TLL1: variants seen among roughly 807,000 people sequenced by gnomAD.
TLL1 encodes the protein tolloid like 1.
Under a neutral mutation model 128.2 loss-of-function variants are expected in TLL1, and 49 were observed. The ratio of observed to expected loss-of-function variants is 0.38; its 90% CI spans 0.30 to 0.48. The LOEUF (loss-of-function observed/expected upper bound fraction) is 0.48. Ranked by LOEUF, TLL1 falls within the 20% of genes least tolerant of loss-of-function variation. TLL1 has a pLI of 0.96. For missense variants in TLL1, 1,123 were observed against 1,242.0 expected (o/e 0.90, Z 1.44); for synonymous variants, 454 against 418.8 (o/e 1.08, Z -1.03).
chr4:166,057,298 G>A lies in TLL1; in HGVS notation c.1835G>A (p.Arg612Lys), dbSNP rs866670413. ...EPGYELGPDR[R>K]SCEAACGGLL... ...GGCTATGAGCTGGGCCCAGACAGAA[G>A]GAGCTGTGAAGGTATGACTGCACTC... The change falls in exon 14 of 21, where the codon AGG (arginine) becomes AAG (lysine). Residue 612 changes from arginine to lysine, a missense_variant. Physicochemically the swap from Arg to Lys is conservative, Grantham distance 26. Coordinates refer to ENST00000061240, the MANE Select transcript of TLL1 (RefSeq NM_012464.5). The A allele has an allele frequency of 6.2e-7, 1 of 1,613,820 alleles. No individual in the cohort carries two copies. Among genetic ancestry groups the A allele is most frequent in the East Asian group, 2.2e-5 (1 of 44,802 alleles).
At chr4:165,919,957 T>C (rs1732971422) in intron 1 of TLL1, 2 of 401,006 alleles carry the variant, frequency 5.0e-6, no homozygotes. Flanking sequence ...ACTTCCTAAT[T>C]TGGGGGGCTA....
intron 12 of TLL1, among the ~76,000 whole-genome samples, chr4:166,054,606 C>T (rs868611617): frequency 6.9e-6 from 1 of 143,980 alleles, no homozygotes; most frequent in Non-Finnish European, 1.5e-5. Context: ...TGATGTTCCC[C>T]TTCCTGAGTC....
At chr4:165,999,706 T>C (rs1198339310) in intron 5 of TLL1, among the ~76,000 whole-genome samples, 1 of 151,684 alleles carries the variant, frequency 6.6e-6, no homozygotes, top group Non-Finnish European at 1.5e-5. Flanking sequence ...ACTCTTGGGC[T>C]CAAGTGATCC....
At chr4:165,994,018 A>G (rs546428534) in intron 3 of TLL1, among the ~76,000 whole-genome samples, 1 of 152,296 alleles carries the variant, frequency 6.6e-6, no homozygotes, top group Admixed American at 6.5e-5. Context: ...GGACTTTATT[A>G]AACAATATTT....
At chr4:166,047,197 C>T (rs971453755) in intron 12 of TLL1, among the ~76,000 whole-genome samples, 1 of 151,064 alleles carries the variant, frequency 6.6e-6, no homozygotes, top group Non-Finnish European at 1.5e-5. Flanking sequence ...GAGTCTTGCT[C>T]TGTTTCGCCC....
At chr4:165,927,160 G>C (rs1384833186) in intron 1 of TLL1, among the ~76,000 whole-genome samples, 1 of 152,216 alleles carries the variant, frequency 6.6e-6, no homozygotes, top group East Asian at 1.9e-4. Flanking sequence ...CAATTAGAAA[G>C]CTTTATATAC....
chr4:165,896,836 A>G (rs1362591381), intron 1 of TLL1, among the ~76,000 whole-genome samples: 4 of 152,116 alleles, frequency 2.6e-5, no homozygotes, highest in Non-Finnish European at 5.9e-5. Context: ...ACTGTCTTTC[A>G]CAATGGTTGA....
At chr4:165,954,844 C>T (rs1734703147) in intron 1 of TLL1, among the ~76,000 whole-genome samples, 1 of 152,092 alleles carries the variant, frequency 6.6e-6, no homozygotes, top group African/African-American at 2.4e-5. Context: ...GGAACATCAG[C>T]CCTCTCAGAT....
chr4:166,005,590 T>C (rs1185318380), intron 6 of TLL1, among the ~76,000 whole-genome samples: 1 of 151,876 alleles, frequency 6.6e-6, no homozygotes, highest in Admixed American at 6.6e-5. Context: ...CTCCTCTATA[T>C]AGAAGACTCT....
chr4:165,979,314 C>T (rs74395870), intron 1 of TLL1, among the ~76,000 whole-genome samples: 3,272 of 151,710 alleles, frequency 0.022, 96 homozygotes, highest in East Asian at 0.14. Flanking sequence ...ATGTTATATT[C>T]GTATAAAAGA....
chr4:166,022,328 G>T (rs1049677092), intron 8 of TLL1, among the ~76,000 whole-genome samples: 80 of 151,974 alleles, frequency 5.3e-4, no homozygotes, highest in African/African-American at 1.8e-3. Flanking sequence ...ACCACATCTG[G>T]CTAGTTTTTG....
chr4:165,958,556 T>C (rs1734930856), intron 1 of TLL1, among the ~76,000 whole-genome samples: 1 of 149,970 alleles, frequency 6.7e-6, no homozygotes, highest in Non-Finnish European at 1.5e-5. Context: ...TTTGATGGGG[T>C]TGTTTGTTTT....
At chr4:166,047,969 G>T (rs182605929) in intron 12 of TLL1, among the ~76,000 whole-genome samples, 20 of 152,166 alleles carry the variant, frequency 1.3e-4, no homozygotes, top group African/African-American at 4.3e-4. Context: ...AGGTGCTGTG[G>T]CTCATGCCTG....
chr4:165,909,152 A>C lies in TLL1; in HGVS notation c.169+35079A>C, dbSNP rs371491895. ...CAGTGAGCAGAGATCGTGCCACTGC[A>C]CTCCAGTCTGGGTGACAGAGTAAGA... On this transcript the variant is annotated intron_variant, in intron 1 of 20. Coordinates refer to ENST00000061240, the MANE Select transcript of TLL1 (RefSeq NM_012464.5). Among the ~76,000 whole-genome samples the C allele has an allele frequency of 1.3e-4, 20 of 152,186 alleles. No individual in the cohort carries two copies. In the South Asian group the frequency reaches 4.2e-3, roughly 32 times the overall value.
At chr4:165,987,273 A>T (rs1736431778) in intron 1 of TLL1, among the ~76,000 whole-genome samples, 1 of 152,094 alleles carries the variant, frequency 6.6e-6, no homozygotes, top group East Asian at 1.9e-4. Flanking sequence ...GTCAACTTGG[A>T]TTTACCTTAC....
At chr4:166,052,965 G>GTGTGTGTGTGTGTGTATATATATATATA in intron 12 of TLL1, among the ~76,000 whole-genome samples, 2 of 99,648 alleles carry the variant, frequency 2.0e-5, no homozygotes, top group African/African-American at 7.6e-5. Flanking sequence ...GAGGTTATGT[G>GTGTGTGTGTGTGTGTATATATATATATA]TATATATATA....
At chr4:165,915,778 T>A (rs572985897) in intron 1 of TLL1, among the ~76,000 whole-genome samples, 1 of 152,172 alleles carries the variant, frequency 6.6e-6, no homozygotes, top group African/African-American at 2.4e-5. Context: ...CCTCTATGTA[T>A]AGAAAACTCC....
intron 13 of TLL1, among the ~76,000 whole-genome samples, chr4:166,056,373 T>C (rs2111112427): frequency 6.6e-6 from 1 of 151,628 alleles, no homozygotes; most frequent in Admixed American, 6.6e-5. Flanking sequence ...GTCATATACA[T>C]TTTAAAAAAT....
At chr4:166,087,099 G>A (rs1444042857) in intron 18 of TLL1, among the ~76,000 whole-genome samples, 4 of 151,998 alleles carry the variant, frequency 2.6e-5, no homozygotes, top group Admixed American at 2.6e-4. Context: ...TTAAATTTGA[G>A]GGTACCTTTT....
Sources: allele counts gnomAD v4.1 joint callset (sites outside exome capture counted in the v4.1 genomes callset), GRCh38; gene constraint gnomAD v4.1.1; transcripts MANE v1.5; gene names NCBI Gene and HGNC (gene_info 2026-07-23, HGNC 2026-07-21).